Variants in PTPRD observed in about 807,000 individuals in gnomAD.
The protein encoded by PTPRD is receptor-type tyrosine-protein phosphatase delta.
PTPRD carries 34 observed loss-of-function variants against 214.5 expected under a neutral mutation model. The observed-to-expected ratio is 0.16, with a 90% CI of 0.12 to 0.21. The LOEUF (loss-of-function observed/expected upper bound fraction) is 0.21. Among genes scored for constraint, PTPRD ranks in the 10% least tolerant of loss-of-function variants. The pLI is 1.00. For missense variants in PTPRD, 2,545 were observed against 2,398.7 expected (o/e 1.06, Z -1.27); for synonymous variants, 1,128 against 845.7 (o/e 1.33, Z -5.79).
At chr9:9,192,089 C>A (rs1260876499) in intron 9 of PTPRD, among the ~76,000 whole-genome samples, 1 of 151,920 alleles carries the variant, frequency 6.6e-6, no homozygotes, top group Non-Finnish European at 1.5e-5. Context: ...GACTTTCAGG[C>A]TATTTTGAGT....
At chr9:9,715,765 A>C (rs1390198167) in intron 7 of PTPRD, among the ~76,000 whole-genome samples, 1 of 152,196 alleles carries the variant, frequency 6.6e-6, no homozygotes, top group Non-Finnish European at 1.5e-5. Flanking sequence ...AAAGCTGAAG[A>C]CTATTGTGTA....
chr9:8,697,572 G>T (rs913563020), intron 12 of PTPRD, among the ~76,000 whole-genome samples: 1 of 151,344 alleles, frequency 6.6e-6, no homozygotes, highest in African/African-American at 2.4e-5. Flanking sequence ...ACAGGTGCCC[G>T]CCACCACACC....
chr9:9,170,510 C>T (rs755486078), intron 10 of PTPRD, among the ~76,000 whole-genome samples: 1 of 152,124 alleles, frequency 6.6e-6, no homozygotes, highest in Non-Finnish European at 1.5e-5. Context: ...GTGTTACTAC[C>T]TTGGTCAGTT....
intron 10 of PTPRD, among the ~76,000 whole-genome samples, chr9:9,162,059 T>C (rs994430779): frequency 1.3e-5 from 2 of 152,150 alleles, no homozygotes; most frequent in African/African-American, 4.8e-5. Context: ...GCCCAGCATT[T>C]AGAAGATCTT....
chr9:10,523,621 A>ATATATATATATATC, intron 2 of PTPRD, among the ~76,000 whole-genome samples: 1 of 111,552 alleles, frequency 9.0e-6, no homozygotes, highest in African/African-American at 2.9e-5. Flanking sequence ...ATATATATAT[A>ATATATATATATATC]TAGACAGAAA....
chr9:8,469,536 G>A (rs2096612131), intron 31 of PTPRD, among the ~76,000 whole-genome samples: 1 of 151,990 alleles, frequency 6.6e-6, no homozygotes, highest in Non-Finnish European at 1.5e-5. Flanking sequence ...TAATTGATTA[G>A]TCAGTTGCAA....
At chr9:9,774,188 G>A (rs1405135369) in intron 5 of PTPRD, among the ~76,000 whole-genome samples, 3 of 152,104 alleles carry the variant, frequency 2.0e-5, no homozygotes, top group African/African-American at 7.2e-5. Context: ...GAATCTTCAG[G>A]TGCTACTTGG....
chr9:8,735,128 GTTT>G (rs1376299728), intron 11 of PTPRD, among the ~76,000 whole-genome samples: 1 of 142,504 alleles, frequency 7.0e-6, no homozygotes, highest in African/African-American at 2.6e-5. Flanking sequence ...CAATAATTTG[GTTT>G]TTTTTTGTTT....
At position 9,101,961 on chromosome 9, in the gene PTPRD, G is replaced by A. The variant is rs966174165; in HGVS notation, c.-143+81343C>T. Among the ~76,000 whole-genome samples, 13 of 152,028 alleles carry A rather than the reference G, an allele frequency of 8.6e-5. 1 individual carries two copies. Among genetic ancestry groups the A allele is most frequent in the Non-Finnish European group, 4.4e-5 (3 of 67,994 alleles). On this transcript the variant is annotated intron_variant, in intron 10 of 45. Transcript: ENST00000381196. Reference sequence around the variant, plus strand: ...GATACCTCTTGGCTATATTTGCATGGAATTTAAAAAACACACACAACTTTT... The same window carrying A: ...GATACCTCTTGGCTATATTTGCATGAAATTTAAAAAACACACACAACTTTT...
At chr9:9,791,451 AT>A (rs775521078) in intron 5 of PTPRD, among the ~76,000 whole-genome samples, 8 of 152,256 alleles carry the variant, frequency 5.3e-5, no homozygotes, top group African/African-American at 7.2e-5. Flanking sequence ...GATGGAATTA[AT>A]TGGTTATTTC....
chr9:9,849,066 C>T (rs565024046), intron 5 of PTPRD, among the ~76,000 whole-genome samples: 50 of 151,692 alleles, frequency 3.3e-4, no homozygotes, highest in African/African-American at 1.1e-3. Context: ...CATAGACACA[C>T]CCTGTTTTAC....
rs144410670 is a variant in PTPRD at position 9,895,762 on chromosome 9, C to T, written c.-368+42745G>A. On this transcript the variant is annotated intron_variant, in intron 5 of 45. Coordinates refer to ENST00000381196, the MANE Select transcript of PTPRD (RefSeq NM_002839.4). ...TTTCTTCAAATTGTAAAATGAAGGA[C>T]TAGTAGCAGCTAAATTTCAGTTTAG... 3.9e-5 allele frequency among the ~76,000 whole-genome samples: 6 copies of T among 152,126 alleles called. No homozygotes were observed. The East Asian group carries it at 1.2e-3, about 29-fold the overall frequency.
At chr9:10,521,822 CATA>C (rs2052396836) in intron 2 of PTPRD, among the ~76,000 whole-genome samples, 1 of 152,098 alleles carries the variant, frequency 6.6e-6, no homozygotes, top group Non-Finnish European at 1.5e-5. Flanking sequence ...TTTTTATAAA[CATA>C]ATGCTATTGC....
intron 11 of PTPRD, among the ~76,000 whole-genome samples, chr9:8,971,754 T>TAG (rs1488749599): frequency 6.6e-6 from 1 of 150,710 alleles, no homozygotes; most frequent in East Asian, 1.9e-4. Flanking sequence ...TGGCAAGAAT[T>TAG]ATATATATAT....
At chr9:10,195,499 A>C (rs976611975) in intron 3 of PTPRD, among the ~76,000 whole-genome samples, 3 of 152,116 alleles carry the variant, frequency 2.0e-5, no homozygotes, top group Non-Finnish European at 4.4e-5. Context: ...CTGGGAGCCA[A>C]GGTCTTTCAC....
In PTPRD at chr9:9,431,207, G is replaced by GA. The variant is rs2082966506; in HGVS notation, c.-236-33726dup. On this transcript the variant is annotated intron_variant, in intron 8 of 45. Transcript: ENST00000381196. ...ACAAAGAACTTAAACAAATTTACAA[G>GA]AAAAAATCAAACAACCCCGTCAAAA... 7.9e-5 allele frequency among the ~76,000 whole-genome samples: 12 copies of GA among 151,546 alleles called. No homozygotes were observed. The South Asian group carries it at 2.5e-3, about 32-fold the overall frequency.
intron 3 of PTPRD, among the ~76,000 whole-genome samples, chr9:10,142,400 T>C (rs2098992059): frequency 1.3e-5 from 2 of 151,800 alleles, no homozygotes; most frequent in South Asian, 2.1e-4. Flanking sequence ...ATATCCAGAA[T>C]CTACAATGAA....
At chr9:8,795,145 C>T (rs1248805765) in intron 11 of PTPRD, among the ~76,000 whole-genome samples, 2 of 151,924 alleles carry the variant, frequency 1.3e-5, no homozygotes, top group African/African-American at 4.8e-5. Flanking sequence ...TCATCCACCC[C>T]TATGTTTATT....
chr9:9,840,837 T>C (rs1039924318), intron 5 of PTPRD, among the ~76,000 whole-genome samples: 1 of 147,808 alleles, frequency 6.8e-6, no homozygotes, highest in African/African-American at 2.5e-5. Flanking sequence ...ATGCAATCTA[T>C]GTATGTATTT....
Sources: gnomAD v4.1 joint callset for allele counts (sites outside exome capture counted in the v4.1 genomes callset) on GRCh38, gnomAD v4.1.1 for gene constraint, MANE v1.5 for transcripts, NCBI Gene and HGNC (gene_info 2026-07-23, HGNC 2026-07-21) for gene names.